Variants in ROBO1 observed in about 807,000 individuals in gnomAD.
ROBO1 encodes roundabout guidance receptor 1.
In ROBO1, 149 loss-of-function variants were observed where a neutral mutation model predicts 195.9. That is an observed-to-expected ratio of 0.76 (90% CI 0.67 to 0.87). The LOEUF is 0.87. Among genes scored for constraint, ROBO1 ranks in the 40% least tolerant of loss-of-function variants. The pLI, the probability that ROBO1 is intolerant of heterozygous loss-of-function variation, is 0.00. For synonymous variants in ROBO1, 816 were observed against 733.2 expected (o/e 1.11, Z -1.82); for missense variants, 1,933 against 2,068.3 (o/e 0.93, Z 1.27).
At chr3:79,559,849 G>T (rs1313416793) in intron 2 of ROBO1, among the ~76,000 whole-genome samples, 1 of 152,060 alleles carries the variant, frequency 6.6e-6, no homozygotes, top group Non-Finnish European at 1.5e-5. Context: ...CCCGGGAGGT[G>T]GAGGTTTCAG....
chr3:79,317,481 A>T (rs536175123), intron 2 of ROBO1, among the ~76,000 whole-genome samples: 10 of 152,212 alleles, frequency 6.6e-5, no homozygotes, highest in African/African-American at 2.4e-4. Flanking sequence ...ATCAGATCAT[A>T]GTAATCTATT....
At chr3:78,997,340 C>T (rs142305237) in intron 3 of ROBO1, among the ~76,000 whole-genome samples, 355 of 152,130 alleles carry the variant, frequency 2.3e-3, no homozygotes, top group African/African-American at 8.1e-3. Context: ...CATATAGGTT[C>T]CATGAGAGAC....
At chr3:78,857,995 A>T (rs1270611829) in intron 4 of ROBO1, among the ~76,000 whole-genome samples, 1 of 152,192 alleles carries the variant, frequency 6.6e-6, no homozygotes, top group Non-Finnish European at 1.5e-5. Flanking sequence ...ACTGTCATGT[A>T]GAACACAGGA....
At chr3:78,982,501 T>G (rs1291152448) in intron 3 of ROBO1, among the ~76,000 whole-genome samples, 1 of 152,204 alleles carries the variant, frequency 6.6e-6, no homozygotes, top group Non-Finnish European at 1.5e-5. Context: ...ATGCTAGTAC[T>G]GGGTTTAAAA....
At chr3:79,763,112 G>C (rs913830928) in intron 1 of ROBO1, among the ~76,000 whole-genome samples, 3 of 152,082 alleles carry the variant, frequency 2.0e-5, no homozygotes, top group Admixed American at 1.3e-4. Context: ...TGCATTTCTA[G>C]GTGGAGATGA....
At chr3:78,668,356 G>A (rs1707860847) in intron 12 of ROBO1, 54 bp from the exon 13 acceptor site, 1 of 1,599,312 alleles carries the variant, frequency 6.3e-7, no homozygotes. Flanking sequence ...ACACAGATAA[G>A]CGGATAAATG....
chr3:78,765,480 A>C (rs1410765780), intron 4 of ROBO1, among the ~76,000 whole-genome samples: 2 of 152,158 alleles, frequency 1.3e-5, no homozygotes, highest in Non-Finnish European at 2.9e-5. Flanking sequence ...ACATTAAAGT[A>C]AAACAATATT....
intron 2 of ROBO1, among the ~76,000 whole-genome samples, chr3:79,287,200 G>C (rs1293276577): frequency 6.6e-6 from 1 of 152,076 alleles, no homozygotes; most frequent in Non-Finnish European, 1.5e-5. Context: ...AAAATCTTAA[G>C]TTTGGAAATA....
chr3:78,634,697 C>T (rs980715723), intron 23 of ROBO1: 52 of 154,412 alleles, frequency 3.4e-4, no homozygotes, highest in Admixed American at 2.6e-4. Context: ...AGAAACTGTC[C>T]TGTTCATCTT....
chr3:79,325,283 A>G (rs896421302), intron 2 of ROBO1, among the ~76,000 whole-genome samples: 2 of 152,196 alleles, frequency 1.3e-5, no homozygotes, highest in African/African-American at 2.4e-5. Context: ...CTGGTTTAGT[A>G]AATCCAATAG....
At chr3:78,616,339 C>A (rs1420319894) in intron 27 of ROBO1, among the ~76,000 whole-genome samples, 1 of 152,044 alleles carries the variant, frequency 6.6e-6, no homozygotes, top group African/African-American at 2.4e-5. Flanking sequence ...ATTAGGTTTG[C>A]ATAGTTTATT....
intron 2 of ROBO1, among the ~76,000 whole-genome samples, chr3:79,373,944 G>T (rs533539168): frequency 1.5e-4 from 23 of 152,200 alleles, no homozygotes; most frequent in African/African-American, 5.5e-4. Flanking sequence ...TGCATCTGGG[G>T]TTTTAATTGG....
In ROBO1 at chr3:78,944,491, T is replaced by A. The variant is rs113896640; in HGVS notation, c.173-5564A>T. Among the ~76,000 whole-genome samples, 1,086 of 152,292 alleles carry A rather than the reference T, an allele frequency of 7.1e-3. 12 individuals carry two copies. The highest frequency in any genetic ancestry group is 0.025 in the African/African-American group (1,046 of 41,562). Reference sequence around the variant, plus strand: ...TCAGATTTCAGCCTCCAGAACAGATTAAAGAGTTCTTTGGGGATAGAAGAA... The same window carrying A: ...TCAGATTTCAGCCTCCAGAACAGATAAAAGAGTTCTTTGGGGATAGAAGAA... On this transcript the variant is annotated intron_variant, in intron 3 of 30. Coordinates refer to ENST00000464233, the MANE Select transcript of ROBO1 (RefSeq NM_002941.4).
intron 1 of ROBO1, among the ~76,000 whole-genome samples, chr3:79,668,128 A>G (rs1029716205): frequency 1.3e-5 from 2 of 151,880 alleles, no homozygotes; most frequent in Admixed American, 6.6e-5. Context: ...ATGTTATGAT[A>G]AATTCTTAAA....
intron 4 of ROBO1, among the ~76,000 whole-genome samples, chr3:78,752,860 A>C (rs1292844353): frequency 6.6e-6 from 1 of 152,126 alleles, no homozygotes; most frequent in Non-Finnish European, 1.5e-5. Flanking sequence ...ATATCTAGGA[A>C]TATTCTACAA....
At chr3:79,164,415 A>G (rs1162984894) in intron 2 of ROBO1, among the ~76,000 whole-genome samples, 1 of 152,210 alleles carries the variant, frequency 6.6e-6, no homozygotes, top group Non-Finnish European at 1.5e-5. Flanking sequence ...AACCTGTCAA[A>G]TAATCATATG....
intron 2 of ROBO1, among the ~76,000 whole-genome samples, chr3:79,149,519 G>T (rs981176617): frequency 2.7e-5 from 4 of 150,338 alleles, no homozygotes; most frequent in African/African-American, 9.9e-5. Flanking sequence ...TGTGTTTGTT[G>T]TTGTTGTTGT....
intron 1 of ROBO1, among the ~76,000 whole-genome samples, chr3:79,752,539 T>G (rs1298669740): frequency 1.3e-5 from 2 of 152,040 alleles, no homozygotes; most frequent in African/African-American, 4.8e-5. Flanking sequence ...AGAAATTAGG[T>G]GAGGAAGAAA....
intron 3 of ROBO1, among the ~76,000 whole-genome samples, chr3:79,033,045 A>T (rs2078323931): frequency 1.3e-5 from 2 of 152,100 alleles, no homozygotes; most frequent in South Asian, 4.1e-4. Flanking sequence ...CATGAATTTT[A>T]AAAAATATTC....
Sources: gnomAD v4.1 joint callset for allele counts (sites outside exome capture counted in the v4.1 genomes callset) on GRCh38, gnomAD v4.1.1 for gene constraint, MANE v1.5 for transcripts, NCBI Gene and HGNC (gene_info 2026-07-23, HGNC 2026-07-21) for gene names.